CACNA2D3: variants seen among roughly 807,000 people sequenced by gnomAD.
CACNA2D3 encodes the protein voltage-dependent calcium channel subunit alpha-2/delta-3.
A neutral mutation model predicts 160.6 loss-of-function variants in CACNA2D3; 60 were observed. The ratio of observed to expected loss-of-function variants is 0.37; its 90% confidence interval spans 0.30 to 0.46. The LOEUF (loss-of-function observed/expected upper bound fraction) is 0.46. CACNA2D3 is among the 20% of genes least tolerant of loss of function. The pLI is 1.00. For missense variants in CACNA2D3, 1,205 were observed against 1,365.0 expected (o/e 0.88, Z 1.85); for synonymous variants, 558 against 492.9 (o/e 1.13, Z -1.75).
At chr3:54,357,093 G>T (rs1301037959) in intron 3 of CACNA2D3, among the ~76,000 whole-genome samples, 1 of 152,122 alleles carries the variant, frequency 6.6e-6, no homozygotes, top group Non-Finnish European at 1.5e-5. Context: ...CTCTTGGTGT[G>T]ATGTGATCAA....
intron 14 of CACNA2D3, among the ~76,000 whole-genome samples, chr3:54,822,861 T>A (rs1290551230): frequency 2.0e-5 from 3 of 147,732 alleles, no homozygotes; most frequent in African/African-American, 7.6e-5. Flanking sequence ...TCTTTCTTTC[T>A]TTTTAAATTT....
At chr3:54,521,336 T>G (rs1701643251) in intron 5 of CACNA2D3, among the ~76,000 whole-genome samples, 1 of 152,256 alleles carries the variant, frequency 6.6e-6, no homozygotes, top group African/African-American at 2.4e-5. Flanking sequence ...ATTGACCATT[T>G]GAATATGCTC....
chr3:54,689,010 A>AAAAAAAATAAGAG lies in CACNA2D3; in HGVS notation c.1167+46770_1167+46771insAAAAAATAAGAGA, dbSNP rs1553785965. 2.3e-5 allele frequency among the ~76,000 whole-genome samples: 2 copies of AAAAAAAATAAGAG among 85,496 alleles called. 1 individual carries two copies. The highest frequency in any genetic ancestry group is 8.7e-5 in the African/African-American group (2 of 22,996). The allele number at this position is 85,496 out of a possible 152,430, so 56.1% of individuals were successfully genotyped here. A position where few individuals can be genotyped will look rare whatever the true frequency, so the allele number is the denominator to read the frequency against. On this transcript the variant is annotated intron_variant, in intron 11 of 37. Transcript: ENST00000474759. The stretch of plus-strand genomic sequence containing the variant: ...AAAAAAAAAAAAAAAAAAAAAAAAA[A>AAAAAAAATAAGAG]AGAATGAGGTTGTATACATAAAGCA...
chr3:54,158,116 G>A (rs752392176), intron 2 of CACNA2D3, among the ~76,000 whole-genome samples: 3 of 152,200 alleles, frequency 2.0e-5, no homozygotes, highest in Non-Finnish European at 4.4e-5. Context: ...GCTACTTAGA[G>A]CTTTGTGATT....
intron 2 of CACNA2D3, among the ~76,000 whole-genome samples, chr3:54,211,803 A>G (rs1475930016): frequency 2.0e-5 from 3 of 152,196 alleles, no homozygotes; most frequent in South Asian, 4.1e-4. Flanking sequence ...AAAGATATGT[A>G]AGAGTTATTT....
chr3:54,123,309 C>A (rs1034619803), intron 1 of CACNA2D3, among the ~76,000 whole-genome samples: 2 of 151,796 alleles, frequency 1.3e-5, no homozygotes, highest in African/African-American at 4.8e-5. Context: ...CTCCGCGACC[C>A]CCCTCGGGCC....
intron 4 of CACNA2D3, among the ~76,000 whole-genome samples, chr3:54,468,092 T>C (rs930275822): frequency 6.6e-6 from 1 of 152,208 alleles, no homozygotes; most frequent in Non-Finnish European, 1.5e-5. Flanking sequence ...GATGTTTCTA[T>C]GAAGTGATAC....
chr3:54,538,531 G>T (rs898566753), intron 5 of CACNA2D3, among the ~76,000 whole-genome samples: 3 of 152,110 alleles, frequency 2.0e-5, no homozygotes, highest in East Asian at 3.9e-4. Context: ...GGGCTGTAAT[G>T]CTCCTCTGAC....
chr3:54,686,589 C>G (rs1207183264), intron 11 of CACNA2D3, among the ~76,000 whole-genome samples: 2 of 152,180 alleles, frequency 1.3e-5, no homozygotes, highest in African/African-American at 4.8e-5. Flanking sequence ...GTTTCCCAAA[C>G]TGTGGGCCGA....
At chr3:54,794,067 C>G (rs1380554550) in intron 13 of CACNA2D3, among the ~76,000 whole-genome samples, 1 of 152,108 alleles carries the variant, frequency 6.6e-6, no homozygotes, top group African/African-American at 2.4e-5. Context: ...ATGGTGATAA[C>G]TCCTCTTTCC....
intron 13 of CACNA2D3, among the ~76,000 whole-genome samples, chr3:54,768,203 C>T (rs574926049): frequency 3.3e-5 from 5 of 152,292 alleles, no homozygotes; most frequent in African/African-American, 7.2e-5. Flanking sequence ...ATACTATGTA[C>T]ACTGTCTTAG....
intron 4 of CACNA2D3, among the ~76,000 whole-genome samples, chr3:54,499,317 T>A (rs2106937238): frequency 6.6e-6 from 1 of 152,302 alleles, no homozygotes; most frequent in East Asian, 1.9e-4. Flanking sequence ...CTTTGTTAAT[T>A]TTTATTTGGA....
chr3:54,358,815 G>C (rs956705727), intron 3 of CACNA2D3, among the ~76,000 whole-genome samples: 5 of 152,122 alleles, frequency 3.3e-5, no homozygotes, highest in African/African-American at 1.2e-4. Context: ...AAAGTCAAAA[G>C]GTAGAGGGAA....
chr3:54,405,037 A>G (rs1458154744), intron 4 of CACNA2D3, among the ~76,000 whole-genome samples: 1 of 151,956 alleles, frequency 6.6e-6, no homozygotes, highest in African/African-American at 2.4e-5. Context: ...AAGATATTTC[A>G]TGCTCATGAA....
chr3:54,135,984 G>A (rs979908193), intron 2 of CACNA2D3, among the ~76,000 whole-genome samples: 2 of 152,242 alleles, frequency 1.3e-5, no homozygotes, highest in Admixed American at 1.3e-4. Flanking sequence ...TTGGACGACA[G>A]GGGGAGGCAG....
At chr3:54,699,734 G>A (rs1214025397) in intron 11 of CACNA2D3, among the ~76,000 whole-genome samples, 3 of 152,126 alleles carry the variant, frequency 2.0e-5, no homozygotes, top group Non-Finnish European at 4.4e-5. Flanking sequence ...TCCGTTTGTA[G>A]CCTATATAAA....
Position 54,517,807 on chromosome 3 carries a change from CCCT to C in CACNA2D3, c.544+14157_544+14159del, listed in dbSNP as rs1701578253. Among the ~76,000 whole-genome samples, 3 of 152,262 alleles carry C rather than the reference CCCT, an allele frequency of 2.0e-5. No homozygotes were observed. The East Asian group carries it at 5.8e-4, about 29-fold the overall frequency. Reference sequence around the variant, plus strand: ...CCTTCCTGTTGCTCCAACCCTGCCTCCCTCCTTGCTCTGCATGCCCTTGGAAGC... The same window carrying C: ...CCTTCCTGTTGCTCCAACCCTGCCTCCCTTGCTCTGCATGCCCTTGGAAGC... On this transcript the variant is annotated intron_variant, in intron 5 of 37. Coordinates refer to ENST00000474759, the MANE Select transcript of CACNA2D3 (RefSeq NM_018398.3).
At chr3:54,184,423 A>G (rs767011245) in intron 2 of CACNA2D3, among the ~76,000 whole-genome samples, 5 of 152,212 alleles carry the variant, frequency 3.3e-5, no homozygotes, top group Non-Finnish European at 5.9e-5. Context: ...GAAATGAAGT[A>G]TTAGAGAGTC....
Position 54,576,090 on chromosome 3 carries a change from G to A in CACNA2D3, c.889-5713G>A, listed in dbSNP as rs983072994. Among the ~76,000 whole-genome samples the A allele has an allele frequency of 6.6e-5, 10 of 152,170 alleles. No individual in the cohort carries two copies. In the South Asian group the frequency reaches 1.9e-3, roughly 28 times the overall value. On this transcript the variant is annotated intron_variant, in intron 8 of 37. Coordinates refer to ENST00000474759, the MANE Select transcript of CACNA2D3 (RefSeq NM_018398.3). ...CACAGAAATGAGTCTCAGCTTCAGG[G>A]CAGGGTGTTGAGATGCGCCCCGAAG...
Sources: gnomAD v4.1 joint callset for allele counts (sites outside exome capture counted in the v4.1 genomes callset) on GRCh38, gnomAD v4.1.1 for gene constraint, MANE v1.5 for transcripts, NCBI Gene and HGNC (gene_info 2026-07-23, HGNC 2026-07-21) for gene names.